The following COL6A1 variants were observed in gnomAD, a reference collection of about 807,000 sequenced individuals.
The protein encoded by COL6A1 is collagen type VI alpha 1 chain, also known as collagen alpha-1(VI) chain.
COL6A1 carries 80 observed loss-of-function variants against 145.6 expected under a neutral mutation model. That is an observed-to-expected ratio of 0.55 (90% CI 0.46 to 0.66). The LOEUF (loss-of-function observed/expected upper bound fraction) is 0.66, where lower values mean the gene tolerates loss of function less well. COL6A1 is among the 30% of genes least tolerant of loss of function. The probability of loss-of-function intolerance (pLI) is 0.00; values close to 1 mark genes in which losing one functional copy is unlikely to be tolerated. For missense variants in COL6A1, 1,364 were observed against 1,473.8 expected, an observed-to-expected ratio of 0.93 and a Z score of 1.22; for synonymous variants, 638 against 622.8, an observed-to-expected ratio of 1.02 and a Z score of -0.36.
Position 45,992,749 on chromosome 21 carries a change from G to T in COL6A1, c.1274G>T (p.Gly425Val). 1 of 1,591,770 alleles carries T rather than the reference G, an allele frequency of 6.3e-7. No homozygotes were observed. The highest frequency in any genetic ancestry group is 2.3e-5 in the East Asian group (1 of 44,228). ...PGPDGAPGER[G>V]GPGERGPRGT... is the part of the protein sequence containing the mutation. ...TCCCCTCCATGTCTCTCCACTCAGGGTGGCCCTGGAGAGAGAGGACCACGG... is the reference window on the plus strand; with the variant it reads ...TCCCCTCCATGTCTCTCCACTCAGGTTGGCCCTGGAGAGAGAGGACCACGG... Residue 425 changes from glycine (G) to valine (V), a missense_variant and splice_region_variant, in exon 19 of 35, where the codon GGT (glycine) becomes GTT (valine). Gly to Val is a moderately radical substitution (Grantham distance 109). Transcript: ENST00000361866.
chr21:45,985,134 A>C lies in COL6A1; in HGVS notation c.428+665A>C, dbSNP rs189616053. ...GGGGCAGAGACAGGCAGACAGAGAG[A>C]CAGAGACAGAGACAGCGAAACAGAG... is the stretch of plus-strand genomic sequence containing the variant. On this transcript the variant is annotated intron_variant, in intron 3 of 34. Coordinates refer to ENST00000361866, the MANE Select transcript of COL6A1 (RefSeq NM_001848.3). Among the ~76,000 whole-genome samples, 15 of 150,314 alleles carry C rather than the reference A, an allele frequency of 1.0e-4. No homozygotes were observed. In the East Asian group the frequency reaches 2.7e-3, roughly 27 times the overall value.
intron 29 of COL6A1, 113 bp from the exon 30 acceptor site, chr21:46,001,140 C>A: frequency 6.9e-7 from 1 of 1,440,440 alleles, no homozygotes; most frequent in Non-Finnish European, 9.4e-7. Context: ...CGGGGGGACC[C>A]CAACGTGTCA....
In COL6A1 at chr21:45,987,049, A is replaced by T; in HGVS notation, c.694A>T (p.Ile232Phe). Reference protein sequence around the residue: ...RDAEEAISQTIDTIVDMIKNN... With the variant: ...RDAEEAISQTFDTIVDMIKNN... ...CGCAGAGGAGGCCATCAGCCAGACC[A>T]TCGACACCATCGTGGACATGATCGT... The change falls in exon 5 of 35, where the codon ATC becomes TTC. Residue 232 changes from isoleucine (I) to phenylalanine (F), a missense_variant. Transcript: ENST00000361866. 1 of 1,553,748 alleles carries T rather than the reference A, an allele frequency of 6.4e-7. No homozygotes were observed. Among genetic ancestry groups the T allele is most frequent in the Non-Finnish European group, 8.7e-7 (1 of 1,148,990 alleles).
At chr21:45,989,548 G>A (rs1383395128) in intron 9 of COL6A1, 60 bp from the exon 10 acceptor site, 1 of 1,539,312 alleles carries the variant, frequency 6.5e-7, no homozygotes, top group Non-Finnish European at 9.0e-7. Context: ...GGGGCTGGGT[G>A]GGACTGGCCC....
intron 34 of COL6A1, 49 bp downstream of exon 34, chr21:46,003,198 G>T (rs1016470138): frequency 6.2e-7 from 1 of 1,613,378 alleles, no homozygotes; most frequent in Non-Finnish European, 8.5e-7. Context: ...CACCGTGGTT[G>T]GGGCGAGGGC....
chr21:45,998,232 A>G (rs2077818013), intron 23 of COL6A1, 61 bp downstream of exon 23: 2 of 1,594,294 alleles, frequency 1.3e-6, no homozygotes, highest in Admixed American at 3.4e-5. Context: ...CGCCCTCTTT[A>G]GTGGACTGGG....
rs1186273469 is a variant in COL6A1 at position 46,004,106 on chromosome 21, A to G, written c.*93A>G. 1.3e-5 allele frequency: 20 copies of G among 1,506,242 alleles called. No homozygotes were observed. Among genetic ancestry groups the G allele is most frequent in the Non-Finnish European group, 1.8e-5 (20 of 1,099,278 alleles). 93.3% of individuals were successfully genotyped at this position (1,506,242 alleles called of 1,614,324 possible). On this transcript the variant is annotated 3_prime_UTR_variant, in exon 35 of 35. Coordinates refer to ENST00000361866, the MANE Select transcript of COL6A1 (RefSeq NM_001848.3). The stretch of plus-strand genomic sequence containing the variant: ...AATGTGATGCGAATTTTCCCGACCA[A>G]CCTGATTCGCTAGATTTTTTTTAAG...
Position 46,004,661 on chromosome 21 carries a change from C to A in COL6A1, c.*648C>A, listed in dbSNP as rs755204063. On this transcript the variant is annotated 3_prime_UTR_variant, in exon 35 of 35. Transcript: ENST00000361866. ...GACATAAATCTCGGCGACTCGGCCCCGTCTCCTGAGGGTCCTGCTGGTGAC... is the reference window on the plus strand; with the variant it reads ...GACATAAATCTCGGCGACTCGGCCCAGTCTCCTGAGGGTCCTGCTGGTGAC... 14 of 444,884 alleles carry A rather than the reference C, an allele frequency of 3.1e-5. No individual in the cohort carries two copies. Among genetic ancestry groups the A allele is most frequent in the Non-Finnish European group, 5.0e-5 (11 of 219,876 alleles). 27.6% of individuals were successfully genotyped at this position (444,884 alleles called of 1,614,324 possible).
chr21:45,998,171 C>T lies in COL6A1; in HGVS notation c.1575C>T (p.Pro525=), dbSNP rs781031251. The T allele has an allele frequency of 2.9e-5, 46 of 1,611,836 alleles. 1 individual carries two copies. Among genetic ancestry groups the T allele is most frequent in the South Asian group, 1.8e-4 (16 of 90,862 alleles). Residue 525 remains proline, a splice_region_variant and synonymous_variant, in exon 23 of 35, where the codon CCC becomes CCT. Transcript: ENST00000361866. The stretch of plus-strand genomic sequence containing the variant: ...GCACCGAGGGCTTCCCCGGCTTCCC[C>T]GTAAGTGTCCGGAGGCTGAGCCCAC... ...GNGTEGFPGF[P]GYPGNRGAPG...
At position 46,002,698 on chromosome 21, in the gene COL6A1, C is replaced by T; in HGVS notation, c.2422C>T (p.Gln808Ter). ...TGCCTTCCTGAAGAATGTCACCGCC[C>T]AGATCTGCATAGGTGCGCATGGGGC... ...EDAFLKNVTA[Q>*]ICIDKKCPDY... The change falls in exon 33 of 35, where the codon CAG becomes TAG. Residue 808 changes from glutamine to a stop codon, truncating the protein, a stop_gained. Transcript: ENST00000361866. LOFTEE classifies it high-confidence loss of function. The T allele has an allele frequency of 1.9e-6, 3 of 1,612,748 alleles. No homozygotes were observed. Among genetic ancestry groups the T allele is most frequent in the Non-Finnish European group, 2.5e-6 (3 of 1,179,466 alleles).
In COL6A1 at chr21:46,003,555, C is replaced by T. The variant is rs1354971518; in HGVS notation, c.2629C>T (p.Gln877Ter). ...CCACGACGTGCGGGTGGCGGTGGTGCAGTACAGCGGCACGGGCCAGCAGCG... is the reference window on the plus strand; with the variant it reads ...CCACGACGTGCGGGTGGCGGTGGTGTAGTACAGCGGCACGGGCCAGCAGCG... The part of the protein sequence containing the change: ...PAHDVRVAVV[Q>*]YSGTGQQRPE... The change falls in exon 35 of 35, where the codon CAG (glutamine) becomes TAG (stop). Residue 877 changes from glutamine to a stop codon, truncating the protein, a stop_gained. Transcript: ENST00000361866. LOFTEE classifies it high-confidence loss of function. The T allele has an allele frequency of 6.2e-7, 1 of 1,612,442 alleles. No individual in the cohort carries two copies. Among genetic ancestry groups the T allele is most frequent in the South Asian group, 1.1e-5 (1 of 91,052 alleles).
chr21:45,986,430 C>G (rs1263175858), intron 3 of COL6A1, 96 bp from the exon 4 acceptor site: 1 of 1,283,204 alleles, frequency 7.8e-7, no homozygotes. Context: ...CGGCTCCTCC[C>G]GGTGAGACAG....
chr21:45,999,149 C>G lies in COL6A1; in HGVS notation c.1675-4C>G. ...TCTGTTGACACAACGCTGTTCCCTTCTAGAACAACGACATTGCACCCCGAG... is the reference window on the plus strand; with the variant it reads ...TCTGTTGACACAACGCTGTTCCCTTGTAGAACAACGACATTGCACCCCGAG... On this transcript the variant is annotated splice_region_variant and splice_polypyrimidine_tract_variant and intron_variant, in intron 25 of 34. Transcript: ENST00000361866. 6.3e-7 allele frequency: 1 copy of G among 1,596,238 alleles called. No homozygotes were observed.
Position 46,003,549 on chromosome 21 carries a change from G to A in COL6A1, c.2623G>A (p.Val875Met). The A allele has an allele frequency of 6.2e-7, 1 of 1,612,252 alleles. No individual in the cohort carries two copies. The highest frequency in any genetic ancestry group is 8.5e-7 in the Non-Finnish European group (1 of 1,179,576). Residue 875 changes from valine (V) to methionine (M), a missense_variant, in exon 35 of 35, where the codon GTG (valine) becomes ATG (methionine). Physicochemically the swap from Val to Met is conservative, Grantham distance 21. Around this residue, in one of 3 missense-constraint regions of COL6A1, gnomAD observed 938 missense variants for 1,003.8 expected, o/e 0.93. Transcript: ENST00000361866. ...CCCCGCCCACGACGTGCGGGTGGCG[G>A]TGGTGCAGTACAGCGGCACGGGCCA... ...TDPAHDVRVA[V>M]VQYSGTGQQR...
rs886043850 is a variant in COL6A1, at chr21:45,984,420, A to G, written c.379A>G (p.Thr127Ala). 2 of 1,612,450 alleles carry G rather than the reference A, an allele frequency of 1.2e-6. No homozygotes were observed. The highest frequency in any genetic ancestry group is 1.7e-6 in the Non-Finnish European group (2 of 1,179,950). The part of the protein sequence containing the change: ...VDAVKYFGKG[T>A]YTDCAIKKGL... Reference sequence around the variant, plus strand: ...CGCGGTCAAGTACTTTGGGAAGGGCACCTACACCGACTGCGCTATCAAGAA... The same window carrying G: ...CGCGGTCAAGTACTTTGGGAAGGGCGCCTACACCGACTGCGCTATCAAGAA... The change falls in exon 3 of 35, where the codon ACC becomes GCC. Residue 127 changes from threonine (T) to alanine (A), a missense_variant. Physicochemically the swap from Thr to Ala is moderately conservative, Grantham distance 58. This residue lies in a region of COL6A1 where 414 missense variants were observed against 437.6 expected (regional missense o/e 0.95). Coordinates refer to ENST00000361866, the MANE Select transcript of COL6A1 (RefSeq NM_001848.3).
rs1256860100 is a variant in COL6A1 at position 46,003,388 on chromosome 21, C to A, written c.2465-3C>A. The A allele has an allele frequency of 6.2e-7, 1 of 1,600,188 alleles. No individual in the cohort carries two copies. The highest frequency in any genetic ancestry group is 8.5e-7 in the Non-Finnish European group (1 of 1,179,742). On this transcript the variant is annotated splice_region_variant and splice_polypyrimidine_tract_variant and intron_variant, in intron 34 of 34. Transcript: ENST00000361866. ...GCTAACGGCTGCCCACCCCGCCCCG[C>A]AGTCACGTTCTCCTCCCCGGCTGAC...
chr21:45,988,371 G>A (rs1469762308), intron 8 of COL6A1, among the ~76,000 whole-genome samples: 1 of 50,710 alleles, frequency 2.0e-5, no homozygotes, highest in African/African-American at 6.2e-5. Flanking sequence ...TGGAGGGGAC[G>A]GCGTGGTCCA....
rs1476554444 is a variant in COL6A1, at chr21:45,984,402, A to G, written c.361A>G (p.Lys121Glu). Residue 121 changes from lysine (K) to glutamate (E), a missense_variant, in exon 3 of 35, where the codon AAG becomes GAG. Transcript: ENST00000361866. ...DALKSSVDAV[K>E]YFGKGTYTDC... ...ACTCAAAAGCAGCGTGGACGCGGTC[A>G]AGTACTTTGGGAAGGGCACCTACAC... 6.2e-7 allele frequency: 1 copy of G among 1,612,704 alleles called. No homozygotes were observed. Among genetic ancestry groups the G allele is most frequent in the Non-Finnish European group, 8.5e-7 (1 of 1,179,960 alleles).
At chr21:45,987,362 G>A in intron 6 of COL6A1, 137 bp from the exon 7 acceptor site, 1 of 1,485,018 alleles carries the variant, frequency 6.7e-7, no homozygotes, top group Non-Finnish European at 9.3e-7. Flanking sequence ...GTCTGCCCAT[G>A]TGCCTGGGAC....
Sources: allele counts gnomAD v4.1 joint callset (sites outside exome capture counted in the v4.1 genomes callset), GRCh38; gene constraint gnomAD v4.1.1; regional missense constraint gnomAD v4.1.1; transcripts MANE v1.5; gene names NCBI Gene and HGNC (gene_info 2026-07-23, HGNC 2026-07-21).